NCKAP5: variants seen among roughly 807,000 people sequenced by gnomAD.
NCKAP5 encodes the protein nck-associated protein 5.
A neutral mutation model predicts 167.0 loss-of-function variants in NCKAP5; 92 were observed. The observed-to-expected ratio is 0.55, with a 90% confidence interval of 0.47 to 0.66. The LOEUF (loss-of-function observed/expected upper bound fraction) is 0.66, where lower values mean the gene tolerates loss of function less well. Among genes scored for constraint, NCKAP5 ranks in the 30% least tolerant of loss-of-function variants. The pLI, the probability that NCKAP5 is intolerant of heterozygous loss-of-function variation, is 0.00. For missense variants in NCKAP5, 2,378 were observed against 2,315.0 expected (o/e 1.03, Z -0.56); for synonymous variants, 891 against 877.4 (o/e 1.02, Z -0.27).
At chr2:133,365,809 T>C (rs990553484) in intron 3 of NCKAP5, among the ~76,000 whole-genome samples, 15 of 152,222 alleles carry the variant, frequency 9.9e-5, no homozygotes, top group Non-Finnish European at 4.4e-5. Flanking sequence ...ACATTTTTTC[T>C]TGTTTAGAGA....
At chr2:133,639,371 A>G in the NCKAP5 span, among the ~76,000 whole-genome samples, 40 of 152,216 alleles carry the variant, frequency 2.6e-4, no homozygotes, top group African/African-American at 9.7e-4. Flanking sequence ...CGATAGCAAC[A>G]TTATCTGAAA....
intron 19 of NCKAP5, 89 bp from the exon 20 acceptor site, chr2:132,673,394 T>C: frequency 8.7e-7 from 1 of 1,147,072 alleles, no homozygotes; most frequent in Non-Finnish European, 1.2e-6. Flanking sequence ...CTGTATAAAG[T>C]ACAGTTTAAA....
chr2:132,913,695 G>A (rs79489665), intron 8 of NCKAP5, among the ~76,000 whole-genome samples: 1 of 152,118 alleles, frequency 6.6e-6, no homozygotes, highest in East Asian at 1.9e-4. Flanking sequence ...AATGCCTCTT[G>A]CAAATTATGC....
intron 8 of NCKAP5, among the ~76,000 whole-genome samples, chr2:132,909,923 A>C (rs1694312037): frequency 6.6e-6 from 1 of 152,164 alleles, no homozygotes; most frequent in Admixed American, 6.5e-5. Context: ...TGCTTAAAGA[A>C]TCTTATTTAA....
intron 6 of NCKAP5, among the ~76,000 whole-genome samples, chr2:133,019,816 C>G (rs1186549342): frequency 6.6e-6 from 1 of 152,226 alleles, no homozygotes; most frequent in African/African-American, 2.4e-5. Flanking sequence ...TCCTCTGAGA[C>G]AGGCAATAAT....
intron 4 of NCKAP5, among the ~76,000 whole-genome samples, chr2:133,253,950 C>T (rs2088485296): frequency 6.6e-6 from 1 of 152,168 alleles, no homozygotes; most frequent in Non-Finnish European, 1.5e-5. Flanking sequence ...CTTCCGTCAA[C>T]TCCAGGAGTA....
chr2:133,317,384 C>A (rs925141930), intron 3 of NCKAP5, among the ~76,000 whole-genome samples: 1 of 152,106 alleles, frequency 6.6e-6, no homozygotes, highest in Admixed American at 6.5e-5. Flanking sequence ...GGCCACCCCC[C>A]TCCTTCCAGC....
In NCKAP5 at chr2:133,212,894, A is replaced by G. The variant is rs1273798011; in HGVS notation, c.207+822T>C. On this transcript the variant is annotated intron_variant, in intron 5 of 19. Coordinates refer to ENST00000409261, the MANE Select transcript of NCKAP5 (RefSeq NM_207363.3). ...ACAAATGTCTTACCCTTTTCAGTGG[A>G]TGGCCTGTCAATTAACTCTCATGAA... 2.0e-5 allele frequency among the ~76,000 whole-genome samples: 3 copies of G among 152,304 alleles called. No individual in the cohort carries two copies. In the East Asian group the frequency reaches 5.8e-4, roughly 29 times the overall value.
chr2:133,512,133 G>C (rs1174683697), intron 3 of NCKAP5, among the ~76,000 whole-genome samples: 1 of 152,194 alleles, frequency 6.6e-6, no homozygotes, highest in Non-Finnish European at 1.5e-5. Flanking sequence ...GCTGTAGGCT[G>C]TACTGAGCAA....
chr2:132,959,363 T>C (rs1207103389), intron 8 of NCKAP5, among the ~76,000 whole-genome samples: 1 of 152,088 alleles, frequency 6.6e-6, no homozygotes, highest in Non-Finnish European at 1.5e-5. Flanking sequence ...CTTTCAACCT[T>C]GAGGCTATCT....
At chr2:132,910,497 C>A (rs1694361998) in intron 8 of NCKAP5, among the ~76,000 whole-genome samples, 1 of 152,110 alleles carries the variant, frequency 6.6e-6, no homozygotes, top group African/African-American at 2.4e-5. Flanking sequence ...TTAGATCCCA[C>A]AAATAAGTGA....
chr2:133,177,177 T>TAC (rs1413790957), intron 5 of NCKAP5, among the ~76,000 whole-genome samples: 12 of 136,056 alleles, frequency 8.8e-5, no homozygotes, highest in Non-Finnish European at 7.7e-5. Flanking sequence ...TATATATATA[T>TAC]ATATATATAT....
intron 4 of NCKAP5, among the ~76,000 whole-genome samples, chr2:133,246,292 A>G (rs1279602062): frequency 1.3e-5 from 2 of 152,092 alleles, no homozygotes; most frequent in East Asian, 1.9e-4. Flanking sequence ...CCTCAAATGG[A>G]GCAATGACAT....
intron 6 of NCKAP5, among the ~76,000 whole-genome samples, chr2:133,070,888 A>G (rs971805004): frequency 1.3e-5 from 2 of 152,210 alleles, no homozygotes; most frequent in African/African-American, 4.8e-5. Flanking sequence ...ATCTCATTTT[A>G]AAACATCTTG....
At position 133,465,190 on chromosome 2, in the gene NCKAP5, G is replaced by A. The variant is rs1178489202; in HGVS notation, c.69+52268C>T. Among the ~76,000 whole-genome samples, 9 of 123,196 alleles carry A rather than the reference G, an allele frequency of 7.3e-5. No individual in the cohort carries two copies. In the Admixed American group the frequency reaches 9.6e-4, roughly 13 times the overall value. The allele number at this position is 123,196 out of a possible 152,430, so 80.8% of individuals were successfully genotyped here. On this transcript the variant is annotated intron_variant, in intron 3 of 19. Coordinates refer to ENST00000409261, the MANE Select transcript of NCKAP5 (RefSeq NM_207363.3). ...CACCCCACAACAGTCCCCAGAGTGT[G>A]ATATTCCCCTTCCTGTGTCCATGTG...
At position 132,825,103 on chromosome 2, in the gene NCKAP5, A is replaced by G. The variant is rs369777575; in HGVS notation, c.808-28374T>C. Reference sequence around the variant, plus strand: ...AACCAACATAGATCTCAGTGGGACAATATCCTGAAGCCAACTTTCTCTACT... The same window carrying G: ...AACCAACATAGATCTCAGTGGGACAGTATCCTGAAGCCAACTTTCTCTACT... On this transcript the variant is annotated intron_variant, in intron 11 of 19. Transcript: ENST00000409261. Among the ~76,000 whole-genome samples, 207 of 152,334 alleles carry G rather than the reference A, an allele frequency of 1.4e-3. 1 individual carries two copies. The highest frequency in any genetic ancestry group is 4.8e-3 in the African/African-American group (198 of 41,586).
chr2:133,341,659 T>A (rs1683591648), intron 3 of NCKAP5, among the ~76,000 whole-genome samples: 1 of 152,186 alleles, frequency 6.6e-6, no homozygotes, highest in Admixed American at 6.5e-5. Context: ...TCCTCCCAAA[T>A]TTGCCAGCTG....
At chr2:133,385,159 T>C (rs1177179959) in intron 3 of NCKAP5, among the ~76,000 whole-genome samples, 2 of 152,300 alleles carry the variant, frequency 1.3e-5, no homozygotes, top group South Asian at 2.1e-4. Flanking sequence ...TTTTTGCCCA[T>C]TCAGTATGAT....
At chr2:132,785,920 A>G (rs1212016341) in intron 13 of NCKAP5, among the ~76,000 whole-genome samples, 2 of 152,268 alleles carry the variant, frequency 1.3e-5, no homozygotes, top group Non-Finnish European at 2.9e-5. Context: ...TAAGAAGCAC[A>G]GCGATCTAAA....
Sources: gnomAD v4.1 joint callset for allele counts (sites outside exome capture counted in the v4.1 genomes callset) on GRCh38, gnomAD v4.1.1 for gene constraint, MANE v1.5 for transcripts, NCBI Gene and HGNC (gene_info 2026-07-23, HGNC 2026-07-21) for gene names.